CDKN2B-AS1: variants seen among roughly 807,000 people sequenced by gnomAD.
CDKN2B-AS1 encodes the protein CDKN2B and CDKN2A antisense cis and trans regulatory RNA 1.
intron 4 of CDKN2B-AS1, among the ~76,000 whole-genome samples, chr9:22,083,325 G>C (rs1409591171): frequency 6.6e-6 from 1 of 152,178 alleles, no homozygotes; most frequent in Non-Finnish European, 1.5e-5. Context: ...GAATTAATGG[G>C]ATGGAGTGCA....
At chr9:22,068,123 T>C (rs1161288249) in intron 4 of CDKN2B-AS1, among the ~76,000 whole-genome samples, 1 of 152,206 alleles carries the variant, frequency 6.6e-6, no homozygotes, top group Non-Finnish European at 1.5e-5. Context: ...CTTTTTTCTC[T>C]TTCTCAGAGA....
At chr9:22,076,558 A>G (rs1457504708) in intron 4 of CDKN2B-AS1, among the ~76,000 whole-genome samples, 1 of 152,318 alleles carries the variant, frequency 6.6e-6, no homozygotes, top group South Asian at 2.1e-4. Context: ...GGTTATTACA[A>G]TGAAACAAAT....
At chr9:22,084,351 A>G (rs1824796872) in intron 4 of CDKN2B-AS1, among the ~76,000 whole-genome samples, 2 of 152,194 alleles carry the variant, frequency 1.3e-5, no homozygotes, top group Admixed American at 1.3e-4. Context: ...TAAATTTTGC[A>G]GGTTAATTTT....
chr9:22,013,662 A>G (rs1190716469), intron 1 of CDKN2B-AS1, among the ~76,000 whole-genome samples: 7 of 152,178 alleles, frequency 4.6e-5, no homozygotes, highest in Non-Finnish European at 7.3e-5. Context: ...CATCTGGCCC[A>G]GGCTGGTCCC....
At chr9:22,120,457 A>G (rs374542425) in intron 4 of CDKN2B-AS1, 3 of 151,780 alleles carry the variant, frequency 2.0e-5, no homozygotes, top group East Asian at 1.9e-4. Flanking sequence ...ATATGGTATT[A>G]CTGTCACTAT....
chr9:22,084,690 T>C (rs564873893), intron 4 of CDKN2B-AS1, among the ~76,000 whole-genome samples: 5 of 152,300 alleles, frequency 3.3e-5, no homozygotes, highest in East Asian at 3.9e-4. Flanking sequence ...TAATCCCAGA[T>C]TGAAAATATG....
chr9:22,022,900 G>C (rs1822071712), intron 1 of CDKN2B-AS1, among the ~76,000 whole-genome samples: 1 of 152,170 alleles, frequency 6.6e-6, no homozygotes, highest in African/African-American at 2.4e-5. Context: ...AGTTTGACCA[G>C]ATATAAAATT....
chr9:22,116,175 T>A (rs1056868041), intron 4 of CDKN2B-AS1, among the ~76,000 whole-genome samples: 19 of 152,174 alleles, frequency 1.2e-4, no homozygotes, highest in Admixed American at 3.9e-4. Context: ...TTGGACTAGA[T>A]TATGCAATGT....
exon 5 of CDKN2B-AS1, among the ~76,000 whole-genome samples, chr9:22,127,715 G>A (rs1209778820): frequency 6.6e-6 from 1 of 152,138 alleles, no homozygotes; most frequent in South Asian, 2.1e-4. Context: ...TTGACTTAAC[G>A]AGGATGATTA....
At chr9:22,060,585 C>T (rs1434336022) in intron 4 of CDKN2B-AS1, among the ~76,000 whole-genome samples, 2 of 152,190 alleles carry the variant, frequency 1.3e-5, no homozygotes, top group Non-Finnish European at 2.9e-5. Flanking sequence ...GCCTGTTACC[C>T]AGTTCCAAAG....
chr9:22,032,697 A>G (rs1225329158), intron 1 of CDKN2B-AS1: 2 of 151,740 alleles, frequency 1.3e-5, no homozygotes, highest in Middle Eastern at 3.2e-3. Context: ...CTGATCTGTC[A>G]TCAATACCAC....
At chr9:22,092,130 A>T (rs1252899475) in intron 4 of CDKN2B-AS1, among the ~76,000 whole-genome samples, 2 of 152,140 alleles carry the variant, frequency 1.3e-5, no homozygotes, top group African/African-American at 4.8e-5. Context: ...ATGTTTATTG[A>T]TTTGCGTATG....
chr9:22,027,885 G>T (rs1194207017), intron 1 of CDKN2B-AS1, among the ~76,000 whole-genome samples: 12 of 152,272 alleles, frequency 7.9e-5, no homozygotes, highest in Admixed American at 4.6e-4. Flanking sequence ...ATAATTAAAA[G>T]AGGCTATATT....
rs951247916 is a variant in CDKN2B-AS1 at position 22,039,299 on chromosome 9, C to T, written n.30-7452C>T. Among the ~76,000 whole-genome samples the T allele has an allele frequency of 6.6e-6, 1 of 151,976 alleles. No individual in the cohort carries two copies. The highest frequency in any genetic ancestry group is 1.5e-5 in the Non-Finnish European group (1 of 67,954). ...TTCCTGTGAGCTTCCCATGTTCTCT[C>T]CCTGCAAGGACCACCTCAAATCCCT... On this transcript the variant is annotated intron_variant and non_coding_transcript_variant, in intron 1 of 4. Coordinates refer to ENST00000650946, the Ensembl canonical transcript of CDKN2B-AS1. The surrounding 1 kb of genome is among the most constrained non-coding windows in gnomAD (Gnocchi z 4.4).
chr9:22,108,807 A>G (rs1825727798), intron 4 of CDKN2B-AS1, among the ~76,000 whole-genome samples: 1 of 152,210 alleles, frequency 6.6e-6, no homozygotes, highest in Non-Finnish European at 1.5e-5. Flanking sequence ...GGACTACTAC[A>G]AACACCACGG....
At chr9:22,103,131 ATGTGTGTGTGTGTGTGTGTGTGTG>A (rs3221506) in intron 4 of CDKN2B-AS1, among the ~76,000 whole-genome samples, 23 of 132,410 alleles carry the variant, frequency 1.7e-4, no homozygotes, top group African/African-American at 6.2e-4. Flanking sequence ...TCTAGAACAG[ATGTGTGTGTGTGTGTGTGTGTGTG>A]TGTGTGTGTG....
At chr9:22,004,072 G>A (rs1163043307) in intron 1 of CDKN2B-AS1, 3 of 232,364 alleles carry the variant, frequency 1.3e-5, no homozygotes, top group Non-Finnish European at 2.5e-5. Flanking sequence ...GTCCTCATCT[G>A]GGAAACAATA....
intron 4 of CDKN2B-AS1, among the ~76,000 whole-genome samples, chr9:22,115,924 C>T (rs1354173670): frequency 6.6e-6 from 1 of 152,108 alleles, no homozygotes; most frequent in Admixed American, 6.5e-5. Flanking sequence ...ATACTTAGCC[C>T]TTGGGACCAT....
exon 3 of CDKN2B-AS1, chr9:22,049,193 T>C (rs1376067714): frequency 6.6e-6 from 1 of 152,174 alleles, no homozygotes; most frequent in African/African-American, 2.4e-5. Flanking sequence ...CTATTTGGAA[T>C]GTATCTAACT....
Sources: gnomAD v4.1 joint callset for allele counts (sites outside exome capture counted in the v4.1 genomes callset) on GRCh38, gnomAD v4.1.1 for gene constraint, Gnocchi (gnomAD v3.1) non-coding constraint, MANE v1.5 for transcripts, NCBI Gene and HGNC (gene_info 2026-07-23, HGNC 2026-07-21) for gene names.